The following PLEKHH2 variants were observed in gnomAD, a reference collection of about 807,000 sequenced individuals.
The protein encoded by PLEKHH2 is pleckstrin homology domain-containing family H member 2.
A neutral mutation model predicts 187.9 loss-of-function variants in PLEKHH2; 129 were observed. That is an observed-to-expected ratio of 0.69 (90% CI 0.59 to 0.79). PLEKHH2 has a LOEUF of 0.79. PLEKHH2 is among the 30% of genes least tolerant of loss of function. The pLI is 0.00. For missense variants in PLEKHH2, 2,076 were observed against 1,751.2 expected, an observed-to-expected ratio of 1.19 and a Z score of -3.31; for synonymous variants, 686 against 605.6, an observed-to-expected ratio of 1.13 and a Z score of -1.95.
At chr2:43,760,616 G>T (rs962091894) in intron 27 of PLEKHH2, among the ~76,000 whole-genome samples, 1 of 152,122 alleles carries the variant, frequency 6.6e-6, no homozygotes, top group Admixed American at 6.6e-5. Context: ...ACCCGCCTCG[G>T]CCTCCCAAAG....
At chr2:43,690,278 A>G (rs1190190639) in intron 3 of PLEKHH2, among the ~76,000 whole-genome samples, 1 of 151,670 alleles carries the variant, frequency 6.6e-6, no homozygotes, top group East Asian at 1.9e-4. Context: ...AGCCCACTAT[A>G]TTTCTTAGAA....
At chr2:43,681,297 C>T in intron 3 of PLEKHH2, 1 of 763,156 alleles carries the variant, frequency 1.3e-6, no homozygotes. Context: ...CTGACTGTAA[C>T]TCTGTCTGTG....
At chr2:43,670,180 A>G (rs1431195739) in intron 2 of PLEKHH2, among the ~76,000 whole-genome samples, 1 of 152,214 alleles carries the variant, frequency 6.6e-6, no homozygotes, top group Non-Finnish European at 1.5e-5. Context: ...GGAGAATAAA[A>G]TTATGTTCTT....
chr2:43,741,804 A>G lies in PLEKHH2; in HGVS notation c.3221+761A>G, dbSNP rs569123123. Among the ~76,000 whole-genome samples the G allele has an allele frequency of 8.5e-5, 13 of 152,320 alleles. No homozygotes were observed. The South Asian group carries it at 2.7e-3, about 32-fold the overall frequency. On this transcript the variant is annotated intron_variant, in intron 21 of 29. Coordinates refer to ENST00000282406, the MANE Select transcript of PLEKHH2 (RefSeq NM_172069.4). ...AAGGATCTGCCTACAGGGCACTTGA[A>G]TACAAACATATTTGACAGGTGTTAT... is the stretch of plus-strand genomic sequence containing the variant.
chr2:43,668,481 A>C (rs1667332020), intron 2 of PLEKHH2, among the ~76,000 whole-genome samples: 1 of 152,230 alleles, frequency 6.6e-6, no homozygotes, highest in Admixed American at 6.5e-5. Context: ...TAAAGAGCTC[A>C]GTAAATAAAT....
At chr2:43,657,025 A>T (rs1400577580) in intron 2 of PLEKHH2, among the ~76,000 whole-genome samples, 1 of 130,278 alleles carries the variant, frequency 7.7e-6, no homozygotes, top group African/African-American at 2.9e-5. Context: ...GTGTCAAAAA[A>T]CAAACAAAAC....
chr2:43,726,212 T>C (rs1033164299), intron 16 of PLEKHH2, 60 bp from the exon 17 acceptor site: 1 of 1,152,870 alleles, frequency 8.7e-7, no homozygotes. Flanking sequence ...GACTATGAAA[T>C]GTTTTAGTAG....
chr2:43,738,980 C>T (rs1179007070), intron 20 of PLEKHH2, among the ~76,000 whole-genome samples: 1 of 152,186 alleles, frequency 6.6e-6, no homozygotes, highest in African/African-American at 2.4e-5. Context: ...GAACCTCCGC[C>T]TCCCGGGTTC....
chr2:43,701,462 G>A (rs1669358428), intron 8 of PLEKHH2, among the ~76,000 whole-genome samples: 1 of 152,200 alleles, frequency 6.6e-6, no homozygotes, highest in Non-Finnish European at 1.5e-5. Flanking sequence ...GGAAACATTG[G>A]AGGTGGGAAA....
intron 10 of PLEKHH2, 74 bp from the exon 11 acceptor site, chr2:43,707,327 T>A: frequency 6.4e-7 from 1 of 1,565,910 alleles, no homozygotes; most frequent in Non-Finnish European, 8.7e-7. Flanking sequence ...GCGACCCTAA[T>A]AACTAGCAGC....
chr2:43,647,015 A>G (rs1387737607), intron 2 of PLEKHH2, among the ~76,000 whole-genome samples: 2 of 152,098 alleles, frequency 1.3e-5, no homozygotes, highest in Non-Finnish European at 2.9e-5. Context: ...ATATTCCATT[A>G]TGAATATTTT....
chr2:43,666,499 C>G (rs1348126536), intron 2 of PLEKHH2, among the ~76,000 whole-genome samples: 2 of 147,174 alleles, frequency 1.4e-5, no homozygotes, highest in Non-Finnish European at 2.9e-5. Context: ...GGCTCCTCCC[C>G]CAACATATGT....
chr2:43,725,916 G>A (rs1314668102), intron 16 of PLEKHH2, among the ~76,000 whole-genome samples: 4 of 151,916 alleles, frequency 2.6e-5, no homozygotes, highest in Non-Finnish European at 5.9e-5. Context: ...TCTGAGACTG[G>A]CCTGGGCAAT....
intron 2 of PLEKHH2, among the ~76,000 whole-genome samples, chr2:43,659,106 G>GGGAATA (rs1666937350): frequency 1.3e-5 from 2 of 151,064 alleles, no homozygotes; most frequent in African/African-American, 4.9e-5. Flanking sequence ...CTGAGTAGAT[G>GGGAATA]GGAATACAGG....
intron 7 of PLEKHH2, among the ~76,000 whole-genome samples, chr2:43,698,537 C>T (rs576997254): frequency 6.6e-6 from 1 of 152,186 alleles, no homozygotes; most frequent in Non-Finnish European, 1.5e-5. Flanking sequence ...GTGTGAGCCA[C>T]TGCACCCGGC....
At chr2:43,683,302 G>A (rs1043589306) in intron 3 of PLEKHH2, among the ~76,000 whole-genome samples, 7 of 151,730 alleles carry the variant, frequency 4.6e-5, no homozygotes, top group African/African-American at 1.7e-4. Context: ...TCCACGCCTA[G>A]CTCATTTTGT....
At chr2:43,690,255 A>C (rs1052327412) in intron 3 of PLEKHH2, among the ~76,000 whole-genome samples, 4 of 152,212 alleles carry the variant, frequency 2.6e-5, no homozygotes, top group Middle Eastern at 3.2e-3. Context: ...TTTGTCCTTC[A>C]GCTCATGCAG....
chr2:43,723,752 C>A (rs1282183481), intron 16 of PLEKHH2, among the ~76,000 whole-genome samples: 2 of 152,190 alleles, frequency 1.3e-5, no homozygotes, highest in East Asian at 3.8e-4. Context: ...TGCCACCCTT[C>A]AGCTTTTGCT....
At chr2:43,712,889 A>G (rs1670036989) in intron 15 of PLEKHH2, among the ~76,000 whole-genome samples, 1 of 152,190 alleles carries the variant, frequency 6.6e-6, no homozygotes, top group Non-Finnish European at 1.5e-5. Context: ...GCACTTTTTA[A>G]AATCTGGTGA....
Sources: gnomAD v4.1 joint callset for allele counts (sites outside exome capture counted in the v4.1 genomes callset) on GRCh38, gnomAD v4.1.1 for gene constraint, MANE v1.5 for transcripts, NCBI Gene and HGNC (gene_info 2026-07-23, HGNC 2026-07-21) for gene names.